PARD3B: variants seen among roughly 807,000 people sequenced by gnomAD.
PARD3B encodes par-3 family cell polarity regulator beta, also known as partitioning defective 3 homolog B.
PARD3B carries 103 observed loss-of-function variants against 130.2 expected under a neutral mutation model. The observed-to-expected ratio is 0.79, with a 90% CI of 0.67 to 0.93. PARD3B has a LOEUF of 0.93. Ranked by LOEUF, PARD3B falls within the 40% of genes least tolerant of loss-of-function variation. The pLI, the probability that PARD3B is intolerant of heterozygous loss-of-function variation, is 0.00. For missense variants in PARD3B, 1,609 were observed against 1,499.2 expected (o/e 1.07, Z -1.21); for synonymous variants, 583 against 553.2 (o/e 1.05, Z -0.76).
intron 1 of PARD3B, among the ~76,000 whole-genome samples, chr2:204,680,218 T>G (rs538695005): frequency 6.6e-6 from 1 of 152,196 alleles, no homozygotes; most frequent in Non-Finnish European, 1.5e-5. Flanking sequence ...TGAAGAAACA[T>G]TTGGAAGGTT....
chr2:205,272,847 A>G (rs2040785156), intron 16 of PARD3B, among the ~76,000 whole-genome samples: 1 of 152,230 alleles, frequency 6.6e-6, no homozygotes, highest in Non-Finnish European at 1.5e-5. Context: ...ATTACATGAA[A>G]ACAAAAAACC....
At chr2:204,762,686 A>G (rs2040955393) in intron 2 of PARD3B, among the ~76,000 whole-genome samples, 2 of 151,198 alleles carry the variant, frequency 1.3e-5, no homozygotes, top group Admixed American at 6.6e-5. Context: ...TTTGAATCTT[A>G]TATGTTTTCT....
Position 205,585,095 on chromosome 2 carries a change from G to A in PARD3B, c.3261-30361G>A, listed in dbSNP as rs139323965. Among the ~76,000 whole-genome samples the A allele has an allele frequency of 1.7e-4, 26 of 152,318 alleles. No individual in the cohort carries two copies. Among genetic ancestry groups the A allele is most frequent in the African/African-American group, 4.8e-4 (20 of 41,578 alleles). ...AAATGGAGGCCTGGATAGTGGAGGCGTGAAAATAGATCCTTCGTAACCCCA... is the reference window on the plus strand; with the variant it reads ...AAATGGAGGCCTGGATAGTGGAGGCATGAAAATAGATCCTTCGTAACCCCA... On this transcript the variant is annotated intron_variant, in intron 22 of 22. Coordinates refer to ENST00000406610, the MANE Select transcript of PARD3B (RefSeq NM_001302769.2). This position sits in a 1 kb window ranked among gnomAD's most constrained non-coding sequence, Gnocchi z 5.4.
At chr2:204,766,999 T>A (rs1455978067) in intron 2 of PARD3B, among the ~76,000 whole-genome samples, 16 of 144,872 alleles carry the variant, frequency 1.1e-4, no homozygotes, top group African/African-American at 3.2e-4. Context: ...TTATTTTATT[T>A]TTTTATTTTT....
At chr2:205,085,823 A>G (rs1042424094) in intron 4 of PARD3B, among the ~76,000 whole-genome samples, 2 of 152,172 alleles carry the variant, frequency 1.3e-5, no homozygotes, top group African/African-American at 4.8e-5. Flanking sequence ...CATTTGAGGA[A>G]TGAAATATAA....
chr2:205,248,746 C>A (rs541638227), intron 16 of PARD3B, among the ~76,000 whole-genome samples: 1 of 148,906 alleles, frequency 6.7e-6, no homozygotes, highest in Non-Finnish European at 1.5e-5. Context: ...TAGCTGGGAC[C>A]ACAGGCGCCC....
rs868614062 is a variant in PARD3B at position 205,158,248 on chromosome 2, T to G, written c.1435-474T>G. On this transcript the variant is annotated intron_variant, in intron 10 of 22. Coordinates refer to ENST00000406610, the MANE Select transcript of PARD3B (RefSeq NM_001302769.2). This position sits in a 1 kb window ranked among gnomAD's most constrained non-coding sequence, Gnocchi z 5.4. The stretch of plus-strand genomic sequence containing the variant: ...TGTTGTTTCCATAGTAAATGATATG[T>G]TTTAAATTATATATGCCCCATATTT... 7.2e-5 allele frequency among the ~76,000 whole-genome samples: 11 copies of G among 152,310 alleles called. No individual in the cohort carries two copies. In the Middle Eastern group the frequency reaches 0.01, roughly 141 times the overall value.
chr2:204,773,941 C>G lies in PARD3B; in HGVS notation c.222+87659C>G, dbSNP rs539506869. Among the ~76,000 whole-genome samples, 92 of 152,112 alleles carry G rather than the reference C, an allele frequency of 6.0e-4. 2 individuals carry two copies. In the South Asian group the frequency reaches 0.018, roughly 30 times the overall value. On this transcript the variant is annotated intron_variant, in intron 2 of 22. Transcript: ENST00000406610. ...CAGAGTGCTTGTCATGGGTGTCGAC[C>G]CTGCCTGTTCCTGGCCTCATTTTTC...
At position 205,055,204 on chromosome 2, in the gene PARD3B, A is replaced by G. The variant is rs148031843; in HGVS notation, c.504+7514A>G. Among the ~76,000 whole-genome samples the G allele has an allele frequency of 4.8e-3, 730 of 152,300 alleles. 5 individuals carry two copies. Among genetic ancestry groups the G allele is most frequent in the Admixed American group, 9.6e-3 (146 of 15,276 alleles). ...GTTATAACTTTGTAATTTTCTAATA[A>G]CTGTTCAAAACATTTAGAAAGGTCT... On this transcript the variant is annotated intron_variant, in intron 4 of 22. Coordinates refer to ENST00000406610, the MANE Select transcript of PARD3B (RefSeq NM_001302769.2).
At chr2:205,228,674 A>G (rs1009047586) in intron 15 of PARD3B, among the ~76,000 whole-genome samples, 10 of 152,050 alleles carry the variant, frequency 6.6e-5, no homozygotes, top group African/African-American at 2.4e-4. Flanking sequence ...AAAAAAATTT[A>G]CCCTTTGGGT....
rs2048355507 is a variant in PARD3B at position 205,458,792 on chromosome 2, T to C, written c.3044+18120T>C. 6.6e-6 allele frequency among the ~76,000 whole-genome samples: 1 copy of C among 152,128 alleles called. No individual in the cohort carries two copies. The highest frequency in any genetic ancestry group is 2.4e-5 in the African/African-American group (1 of 41,426). ...TTGATCAAATGCTAGACACAGTCCTTGAAAAGCTGTAGAAATCTCAGGCTG... is the reference window on the plus strand; with the variant it reads ...TTGATCAAATGCTAGACACAGTCCTCGAAAAGCTGTAGAAATCTCAGGCTG... On this transcript the variant is annotated intron_variant, in intron 20 of 22. Transcript: ENST00000406610. The surrounding 1 kb of genome is among the most constrained non-coding windows in gnomAD (Gnocchi z 4.8).
intron 2 of PARD3B, among the ~76,000 whole-genome samples, chr2:204,722,974 T>G (rs961354719): frequency 6.6e-6 from 1 of 152,128 alleles, no homozygotes; most frequent in Admixed American, 6.6e-5. Flanking sequence ...ATTTGGCAAT[T>G]GGGGAGTAAT....
chr2:205,464,592 T>C (rs1435056904), intron 20 of PARD3B, among the ~76,000 whole-genome samples: 1 of 152,206 alleles, frequency 6.6e-6, no homozygotes, highest in African/African-American at 2.4e-5. Context: ...ATTCTACCTA[T>C]TGAAAAAATA....
chr2:205,575,527 G>C lies in PARD3B; in HGVS notation c.3260+22124G>C, dbSNP rs1419137266. ...CTAAAAATCTTAAGTGCTCTTCCTAGTCATACCCCACTCCACACCATTACC... is the reference window on the plus strand; with the variant it reads ...CTAAAAATCTTAAGTGCTCTTCCTACTCATACCCCACTCCACACCATTACC... On this transcript the variant is annotated intron_variant, in intron 22 of 22. Coordinates refer to ENST00000406610, the MANE Select transcript of PARD3B (RefSeq NM_001302769.2). The surrounding 1 kb of genome is among the most constrained non-coding windows in gnomAD (Gnocchi z 4.6). 6.6e-6 allele frequency among the ~76,000 whole-genome samples: 1 copy of C among 151,788 alleles called. No individual in the cohort carries two copies. Among genetic ancestry groups the C allele is most frequent in the Admixed American group, 6.6e-5 (1 of 15,250 alleles).
At chr2:205,543,111 C>G (rs937331928) in intron 21 of PARD3B, among the ~76,000 whole-genome samples, 10 of 151,980 alleles carry the variant, frequency 6.6e-5, no homozygotes, top group African/African-American at 2.4e-4. Context: ...CGGACTGATA[C>G]AAAGATGATA....
Position 204,907,726 on chromosome 2 carries a change from G to C in PARD3B, c.223-57426G>C, listed in dbSNP as rs1308444445. On this transcript the variant is annotated intron_variant, in intron 2 of 22. Coordinates refer to ENST00000406610, the MANE Select transcript of PARD3B (RefSeq NM_001302769.2). This position sits in a 1 kb window ranked among gnomAD's most constrained non-coding sequence, Gnocchi z 5.7. ...CTTGTTTTGTTTTGTTTTTGACACA[G>C]AGTCTCACTCTGTCACCCAGGCTAG... 6.6e-6 allele frequency among the ~76,000 whole-genome samples: 1 copy of C among 152,044 alleles called. No individual in the cohort carries two copies. Among genetic ancestry groups the C allele is most frequent in the Non-Finnish European group, 1.5e-5 (1 of 68,012 alleles).
At chr2:204,924,811 A>G (rs1687470673) in intron 2 of PARD3B, among the ~76,000 whole-genome samples, 1 of 152,090 alleles carries the variant, frequency 6.6e-6, no homozygotes, top group Admixed American at 6.6e-5. Context: ...GTAAGTGCCG[A>G]ATTGGATTCA....
intron 2 of PARD3B, among the ~76,000 whole-genome samples, chr2:204,702,681 T>A (rs922428897): frequency 1.3e-5 from 2 of 152,168 alleles, no homozygotes; most frequent in Non-Finnish European, 2.9e-5. Context: ...TTCAAATGTT[T>A]CTCCTGCCTC....
chr2:205,503,692 T>G (rs1340170334), intron 21 of PARD3B, among the ~76,000 whole-genome samples: 1 of 152,180 alleles, frequency 6.6e-6, no homozygotes, highest in African/African-American at 2.4e-5. Flanking sequence ...TAAAGTAGTT[T>G]TTTTCCAATT....
Sources: gnomAD v4.1 joint callset for allele counts (sites outside exome capture counted in the v4.1 genomes callset) on GRCh38, gnomAD v4.1.1 for gene constraint, Gnocchi (gnomAD v3.1) non-coding constraint, MANE v1.5 for transcripts, NCBI Gene and HGNC (gene_info 2026-07-23, HGNC 2026-07-21) for gene names.